The following TMEM132D variants were observed in gnomAD, a reference collection of about 807,000 sequenced individuals.
The protein encoded by TMEM132D is mature OL transmembrane protein.
Under a neutral mutation model 62.3 loss-of-function variants are expected in TMEM132D, and 21 were observed. That is an observed-to-expected ratio of 0.34 (90% CI 0.24 to 0.49). TMEM132D has a LOEUF of 0.49. Ranked by LOEUF, TMEM132D falls within the 20% of genes least tolerant of loss-of-function variation. The pLI is 0.99. For synonymous variants in TMEM132D, 621 were observed against 575.6 expected, an observed-to-expected ratio of 1.08 and a Z score of -1.13; for missense variants, 1,346 against 1,402.8, an observed-to-expected ratio of 0.96 and a Z score of 0.65.
chr12:129,723,217 G>A (rs1272805637), intron 1 of TMEM132D, among the ~76,000 whole-genome samples: 2 of 152,168 alleles, frequency 1.3e-5, no homozygotes, highest in African/African-American at 4.8e-5. Flanking sequence ...TGTTTTTAAT[G>A]CTTCCCCGAC....
chr12:129,553,423 T>C (rs1201013886), intron 2 of TMEM132D, among the ~76,000 whole-genome samples: 1 of 152,176 alleles, frequency 6.6e-6, no homozygotes, highest in African/African-American at 2.4e-5. Flanking sequence ...GGCACTCTTT[T>C]AGGAAAGACT....
intron 3 of TMEM132D, among the ~76,000 whole-genome samples, chr12:129,380,407 C>T (rs10773644): frequency 0.66 from 100,189 of 151,600 alleles, 33,574 homozygotes; most frequent in Non-Finnish European, 0.72. Flanking sequence ...CACATGATCA[C>T]GTAAGAAATA....
intron 2 of TMEM132D, among the ~76,000 whole-genome samples, chr12:129,667,642 T>C (rs952209281): frequency 6.6e-6 from 1 of 152,128 alleles, no homozygotes; most frequent in African/African-American, 2.4e-5. Flanking sequence ...TCTAACCTAA[T>C]ATTTTAGATT....
At chr12:129,625,235 A>G (rs1879182450) in intron 2 of TMEM132D, among the ~76,000 whole-genome samples, 1 of 152,056 alleles carries the variant, frequency 6.6e-6, no homozygotes, top group South Asian at 2.1e-4. Flanking sequence ...AGGTCTCTAC[A>G]TTTTCTCGAT....
intron 2 of TMEM132D, among the ~76,000 whole-genome samples, chr12:129,683,960 G>C (rs1456668192): frequency 6.6e-6 from 1 of 152,156 alleles, no homozygotes; most frequent in Non-Finnish European, 1.5e-5. Flanking sequence ...CTATAGTACA[G>C]GGTGAAGCTA....
chr12:129,154,072 C>T (rs1334817947), intron 5 of TMEM132D, among the ~76,000 whole-genome samples: 2 of 152,176 alleles, frequency 1.3e-5, no homozygotes, highest in African/African-American at 4.8e-5. Flanking sequence ...GTGACACAGG[C>T]GTTTCATCAT....
intron 4 of TMEM132D, among the ~76,000 whole-genome samples, chr12:129,321,199 G>A (rs1488856893): frequency 1.3e-5 from 2 of 152,196 alleles, no homozygotes; most frequent in African/African-American, 4.8e-5. Flanking sequence ...CAGTGGAGAT[G>A]TTATAGAGAG....
chr12:129,304,241 C>T (rs12578704), intron 4 of TMEM132D, among the ~76,000 whole-genome samples: 30,289 of 152,150 alleles, frequency 0.2, 3,682 homozygotes, highest in East Asian at 0.39. Flanking sequence ...GACAACTCTA[C>T]ACTTGCAACA....
rs577692511 is a variant in TMEM132D, at chr12:129,867,787, A to G, written c.79+35474T>C. ...AAGCTTAAAAGCTAAAATAAATTTT[A>G]AAAGGTATATATTTAAGCCAAAACT... On this transcript the variant is annotated intron_variant, in intron 1 of 8. Coordinates refer to ENST00000422113, the MANE Select transcript of TMEM132D (RefSeq NM_133448.3). This position sits in a 1 kb window ranked among gnomAD's most constrained non-coding sequence, Gnocchi z 4.5. 2.0e-5 allele frequency among the ~76,000 whole-genome samples: 3 copies of G among 152,362 alleles called. No homozygotes were observed. The East Asian group carries it at 5.8e-4, about 29-fold the overall frequency.
At chr12:129,828,762 GGGAGGGAGGGAGGAAGAAAA>G (rs1566000200) in intron 1 of TMEM132D, among the ~76,000 whole-genome samples, 27 of 88,832 alleles carry the variant, frequency 3.0e-4, no homozygotes, top group African/African-American at 1.0e-3. Context: ...GAGGAAAGGA[GGGAGGGAGGGAGGAAGAAAA>G]GGAGGGAGGG....
chr12:129,624,790 T>A (rs959179088), intron 2 of TMEM132D, among the ~76,000 whole-genome samples: 1 of 152,176 alleles, frequency 6.6e-6, no homozygotes, highest in Non-Finnish European at 1.5e-5. Context: ...CTGTGCTCCA[T>A]GCAGGCCAGC....
rs1874360853 is a variant in TMEM132D at position 129,078,830 on chromosome 12, G to T, written c.1924-105C>A. The stretch of plus-strand genomic sequence containing the variant: ...TGTGCAGGCAGCGGCAGGGCAACAT[G>T]TGAGCCAGAATGAATGAGAACAGGC... On this transcript the variant is annotated intron_variant, in intron 7 of 8. Transcript: ENST00000422113. 17 of 1,175,110 alleles carry T rather than the reference G, an allele frequency of 1.4e-5. No homozygotes were observed. In the South Asian group the frequency reaches 2.1e-4, roughly 14 times the overall value. 72.8% of individuals were successfully genotyped at this position (1,175,110 alleles called of 1,614,324 possible). A position where few individuals can be genotyped will look rare whatever the true frequency, so the allele number is the denominator to read the frequency against.
chr12:129,541,551 G>A (rs1276861555), intron 2 of TMEM132D, among the ~76,000 whole-genome samples: 1 of 152,156 alleles, frequency 6.6e-6, no homozygotes, highest in Non-Finnish European at 1.5e-5. Context: ...AGAGGGACCT[G>A]CATTCATTCA....
At chr12:129,109,214 T>C (rs1388343500) in intron 5 of TMEM132D, among the ~76,000 whole-genome samples, 1 of 152,210 alleles carries the variant, frequency 6.6e-6, no homozygotes, top group Non-Finnish European at 1.5e-5. Context: ...TGTGAGTTTT[T>C]CCTTCTAGAT....
At chr12:129,896,084 C>A (rs563914113) in intron 1 of TMEM132D, among the ~76,000 whole-genome samples, 1 of 151,992 alleles carries the variant, frequency 6.6e-6, no homozygotes, top group African/African-American at 2.4e-5. Flanking sequence ...ATCCTCCCAC[C>A]TTAGCCTCCA....
intron 4 of TMEM132D, among the ~76,000 whole-genome samples, chr12:129,226,787 T>C (rs1471788528): frequency 6.6e-6 from 1 of 152,176 alleles, no homozygotes; most frequent in Non-Finnish European, 1.5e-5. Context: ...CCTTTGTGAC[T>C]TCATTAGGAA....
intron 5 of TMEM132D, among the ~76,000 whole-genome samples, chr12:129,144,450 T>G (rs1002638982): frequency 5.3e-5 from 8 of 152,174 alleles, no homozygotes; most frequent in African/African-American, 1.9e-4. Context: ...GTGCCATGTG[T>G]TGAAGCCCAA....
At chr12:129,842,097 ATTTTTTTTTTTT>A (rs746315309) in intron 1 of TMEM132D, among the ~76,000 whole-genome samples, 1 of 97,446 alleles carries the variant, frequency 1.0e-5, no homozygotes, top group African/African-American at 4.1e-5. Context: ...CGCCCGGCTA[ATTTTTTTTTTTT>A]TTTTTTTTTT....
At chr12:129,328,322 G>C (rs1006053779) in intron 4 of TMEM132D, among the ~76,000 whole-genome samples, 1 of 152,242 alleles carries the variant, frequency 6.6e-6, no homozygotes, top group Admixed American at 6.5e-5. Flanking sequence ...CCAGCACAAA[G>C]TGAGCTCAGG....
Sources: gnomAD v4.1 joint callset for allele counts (sites outside exome capture counted in the v4.1 genomes callset) on GRCh38, gnomAD v4.1.1 for gene constraint, Gnocchi (gnomAD v3.1) non-coding constraint, MANE v1.5 for transcripts, NCBI Gene and HGNC (gene_info 2026-07-23, HGNC 2026-07-21) for gene names.